Variants in ABHD2 observed in about 807,000 individuals in gnomAD.
ABHD2 encodes monoacylglycerol lipase ABHD2.
A neutral mutation model predicts 48.1 loss-of-function variants in ABHD2; 20 were observed. The observed-to-expected ratio is 0.42, with a 90% confidence interval of 0.29 to 0.60. ABHD2 has a LOEUF of 0.60. Among genes scored for constraint, ABHD2 ranks in the 20% least tolerant of loss-of-function variants. ABHD2 has a pLI of 0.24. For synonymous variants in ABHD2, 209 were observed against 214.2 expected (o/e 0.98, Z 0.21); for missense variants, 405 against 550.9 (o/e 0.74, Z 2.65).
chr15:89,060,485 A>AT, the ABHD2 span, among the ~76,000 whole-genome samples: 2 of 152,112 alleles, frequency 1.3e-5, no homozygotes, highest in African/African-American at 4.8e-5. Context: ...GAACACAGAT[A>AT]TAAAAACCTA....
chr15:89,068,030 C>T, the ABHD2 span, among the ~76,000 whole-genome samples: 2 of 152,218 alleles, frequency 1.3e-5, no homozygotes, highest in Admixed American at 1.3e-4. Context: ...GAATTTCTTT[C>T]TCAAAGACCA....
rs61602174 is a variant in ABHD2 at position 89,183,384 on chromosome 15, A to AAAAT, written c.723-2039_723-2038insAATA. On this transcript the variant is annotated intron_variant, in intron 6 of 10. Transcript: ENST00000352732. ...AGTCCTTTTCAAAAAAAAAAAAAAAAATATATATATATATATATATATATA... is the reference window on the plus strand; with the variant it reads ...AGTCCTTTTCAAAAAAAAAAAAAAAAAAATATATATATATATATATATATATATA... The AAAAT allele has an allele frequency of 8.3e-3, 383 of 46,228 alleles. 9 individuals carry two copies. Among genetic ancestry groups the AAAAT allele is most frequent in the Non-Finnish European group, 0.012 (287 of 23,590 alleles). 2.9% of individuals were successfully genotyped at this position (46,228 alleles called of 1,614,324 possible).
chr15:89,112,649 T>C (rs1031669088), intron 1 of ABHD2, among the ~76,000 whole-genome samples: 2 of 152,250 alleles, frequency 1.3e-5, no homozygotes, highest in Admixed American at 6.5e-5. Flanking sequence ...AAAAAAGAAA[T>C]TGGGCTTGAA....
rs1475953254 is a variant in ABHD2, at chr15:89,116,605, C to T, written c.194+84C>T. ...TGTTCAAAGAAGAAACTTCTCTCAT[C>T]GTGTCCTTAAGGCATCAATGGGATA... On this transcript the variant is annotated intron_variant, in intron 3 of 10. Transcript: ENST00000352732. The surrounding 1 kb of genome is among the most constrained non-coding windows in gnomAD (Gnocchi z 4.6). 8 of 1,443,652 alleles carry T rather than the reference C, an allele frequency of 5.5e-6. No homozygotes were observed. The East Asian group carries it at 6.9e-5, about 12-fold the overall frequency. The allele number at this position is 1,443,652 out of a possible 1,614,324, so 89.4% of individuals were successfully genotyped here. A position where few individuals can be genotyped will look rare whatever the true frequency, so the allele number is the denominator to read the frequency against.
At chr15:89,081,001 CT>C in the ABHD2 span, among the ~76,000 whole-genome samples, 131,172 of 139,112 alleles carry the variant, frequency 0.94, 61,667 homozygotes, top group South Asian at 1. Flanking sequence ...AATTTCATTC[CT>C]TTTTTTTTTT....
At chr15:89,058,779 G>T in the ABHD2 span, among the ~76,000 whole-genome samples, 1 of 152,162 alleles carries the variant, frequency 6.6e-6, no homozygotes, top group African/African-American at 2.4e-5. Flanking sequence ...CATAGTATCT[G>T]CCCTTGAAGC....
At chr15:89,051,561 T>C in the ABHD2 span, among the ~76,000 whole-genome samples, 1 of 152,146 alleles carries the variant, frequency 6.6e-6, no homozygotes, top group Non-Finnish European at 1.5e-5. Context: ...CATCTTGAAT[T>C]GTAGCTCCCA....
At chr15:89,052,536 CAG>C in the ABHD2 span, among the ~76,000 whole-genome samples, 171 of 129,740 alleles carry the variant, frequency 1.3e-3, 1 homozygote, top group African/African-American at 4.7e-3. Context: ...GACAGACAGA[CAG>C]ACAGACAGAC....
At chr15:89,045,829 A>G in the ABHD2 span, among the ~76,000 whole-genome samples, 64 of 152,350 alleles carry the variant, frequency 4.2e-4, no homozygotes, top group African/African-American at 1.5e-3. Flanking sequence ...ATATACAATC[A>G]TGTCACCTGC....
intron 1 of ABHD2, among the ~76,000 whole-genome samples, chr15:89,098,525 C>T (rs995453040): frequency 2.0e-5 from 3 of 152,188 alleles, no homozygotes; most frequent in Admixed American, 6.5e-5. Flanking sequence ...CTTCCAGCTC[C>T]TTGTGTGGCC....
chr15:89,201,118 A>T lies in ABHD2; in HGVS notation c.*5695A>T. On this transcript the variant is annotated 3_prime_UTR_variant, in exon 11 of 11. Coordinates refer to ENST00000352732, the MANE Select transcript of ABHD2 (RefSeq NM_152924.5). ...AAAGGAATCCAGTGAAAATGGCTGCAATTACAACAAGAAGTGAAGGAAGAA... is the reference window on the plus strand; with the variant it reads ...AAAGGAATCCAGTGAAAATGGCTGCTATTACAACAAGAAGTGAAGGAAGAA... 2 of 1,098,494 alleles carry T rather than the reference A, an allele frequency of 1.8e-6. No homozygotes were observed. Among genetic ancestry groups the T allele is most frequent in the South Asian group, 2.5e-5 (2 of 80,228 alleles). The allele number at this position is 1,098,494 out of a possible 1,614,324, so 68.0% of individuals were successfully genotyped here.
chr15:89,070,512 C>T, the ABHD2 span, among the ~76,000 whole-genome samples: 11 of 152,206 alleles, frequency 7.2e-5, no homozygotes, highest in Non-Finnish European at 1.5e-4. Context: ...TCTGGAGATG[C>T]GGAACTAAGA....
At chr15:89,078,107 C>G in the ABHD2 span, among the ~76,000 whole-genome samples, 1 of 152,160 alleles carries the variant, frequency 6.6e-6, no homozygotes, top group Non-Finnish European at 1.5e-5. Context: ...TTCTTGCACC[C>G]CATATTTAAT....
chr15:89,093,551 A>C (rs1215219810), intron 1 of ABHD2: 1 of 152,392 alleles, frequency 6.6e-6, no homozygotes, highest in East Asian at 1.9e-4. Flanking sequence ...TTGGGCGTCC[A>C]AGAGGAAGCC....
chr15:89,187,292 A>G (rs933530448), intron 7 of ABHD2, among the ~76,000 whole-genome samples: 2 of 152,228 alleles, frequency 1.3e-5, no homozygotes, highest in Non-Finnish European at 2.9e-5. Flanking sequence ...ACATTTTTCA[A>G]ATTTACTACA....
At chr15:89,139,902 C>T (rs924507565) in intron 3 of ABHD2, among the ~76,000 whole-genome samples, 11 of 152,152 alleles carry the variant, frequency 7.2e-5, no homozygotes, top group African/African-American at 2.2e-4. Context: ...AGTTTCAGCA[C>T]GCAGCCAGCA....
At chr15:89,070,807 G>A in the ABHD2 span, among the ~76,000 whole-genome samples, 45 of 152,226 alleles carry the variant, frequency 3.0e-4, 1 homozygote, top group African/African-American at 1.0e-3. Context: ...GACATCATAA[G>A]GGGCCCCCTA....
the ABHD2 span, among the ~76,000 whole-genome samples, chr15:89,080,252 G>C: frequency 6.6e-6 from 1 of 152,190 alleles, no homozygotes; most frequent in African/African-American, 2.4e-5. Context: ...CAAGGGGAGA[G>C]GAAGGCGGTA....
chr15:89,044,365 G>C, the ABHD2 span, among the ~76,000 whole-genome samples: 1 of 152,064 alleles, frequency 6.6e-6, no homozygotes, highest in East Asian at 1.9e-4. Context: ...AATAAACATA[G>C]GTGTGCATGT....
Sources: gnomAD v4.1 joint callset for allele counts (sites outside exome capture counted in the v4.1 genomes callset) on GRCh38, gnomAD v4.1.1 for gene constraint, Gnocchi (gnomAD v3.1) non-coding constraint, MANE v1.5 for transcripts, NCBI Gene and HGNC (gene_info 2026-07-23, HGNC 2026-07-21) for gene names.